KDM2B: variants seen among roughly 807,000 people sequenced by gnomAD.
The protein encoded by KDM2B is lysine demethylase 2B.
A neutral mutation model predicts 150.0 loss-of-function variants in KDM2B; 26 were observed. That is an observed-to-expected ratio of 0.17 (90% confidence interval 0.13 to 0.24). The LOEUF is 0.24. KDM2B is among the 10% of genes least tolerant of loss of function. The probability of loss-of-function intolerance (pLI) is 1.00; values close to 1 mark genes in which losing one functional copy is unlikely to be tolerated. For missense variants in KDM2B, 1,265 were observed against 1,816.9 expected (o/e 0.70, Z 5.52); for synonymous variants, 734 against 729.5 (o/e 1.01, Z -0.10).
chr12:121,511,626 G>C (rs1555304057), intron 10 of KDM2B, among the ~76,000 whole-genome samples: 1 of 152,164 alleles, frequency 6.6e-6, no homozygotes, highest in African/African-American at 2.4e-5. Context: ...CCCGGCCCCG[G>C]GTTTCTTTTT....
intron 13 of KDM2B, among the ~76,000 whole-genome samples, chr12:121,445,714 T>TA (rs1211996368): frequency 6.6e-6 from 1 of 152,152 alleles, no homozygotes; most frequent in African/African-American, 2.4e-5. Flanking sequence ...CAGAGCATGT[T>TA]AGAGACAGAG....
intron 4 of KDM2B, among the ~76,000 whole-genome samples, chr12:121,567,482 G>A (rs1890790710): frequency 6.6e-6 from 1 of 152,150 alleles, no homozygotes; most frequent in Admixed American, 6.5e-5. Flanking sequence ...GGCGAGGCGG[G>A]AGGATCACTT....
chr12:121,442,274 G>A lies in KDM2B; in HGVS notation c.3167C>T (p.Pro1056Leu), dbSNP rs1475204093. The A allele has an allele frequency of 2.5e-6, 4 of 1,612,574 alleles. No individual in the cohort carries two copies. In the African/African-American group the frequency reaches 4.0e-5, roughly 16 times the overall value. The change falls in exon 19 of 23, where the codon CCC becomes CTC. Residue 1056 changes from proline to leucine, a missense_variant. Physicochemically the swap from Pro to Leu is moderately conservative, Grantham distance 98. Transcript: ENST00000377071. The surrounding 1 kb of genome is among the most constrained non-coding windows in gnomAD (Gnocchi z 7.7). ...GACGTGGGCTGCCCCATCGTCCAGG[G>A]GTAGCGAGTCAGGCGGGGGGCTGAT... ...PPISPPPDSL[P>L]LDDGAAHVMH... is the part of the protein sequence containing the mutation.
intron 4 of KDM2B, among the ~76,000 whole-genome samples, chr12:121,556,852 TA>T (rs782133921): frequency 0.021 from 2,827 of 132,836 alleles, 57 homozygotes; most frequent in African/African-American, 0.061. Context: ...ACTCTGTCCT[TA>T]AAAAAAAAAA....
chr12:121,438,584 C>G (rs1427099212), intron 22 of KDM2B, among the ~76,000 whole-genome samples: 3 of 152,144 alleles, frequency 2.0e-5, no homozygotes, highest in Non-Finnish European at 2.9e-5. Flanking sequence ...TTCTTTGCGT[C>G]CACGAGGTGG....
In KDM2B at chr12:121,440,981, G is replaced by A. The variant is rs781971952; in HGVS notation, c.3449-4C>T. The A allele has an allele frequency of 6.2e-7, 1 of 1,613,486 alleles. No homozygotes were observed. The highest frequency in any genetic ancestry group is 1.7e-5 in the Admixed American group (1 of 59,976). ...GACAGCACCAAGTCCCGGAGCCCTG[G>A]GGGGACATAGAAAAGGGTGAAGGTC... is the stretch of plus-strand genomic sequence containing the variant. On this transcript the variant is annotated splice_region_variant and splice_polypyrimidine_tract_variant and intron_variant, in intron 20 of 22. Coordinates refer to ENST00000377071, the MANE Select transcript of KDM2B (RefSeq NM_032590.5).
chr12:121,434,915 C>A (rs1417526960), intron 22 of KDM2B, among the ~76,000 whole-genome samples: 2 of 152,066 alleles, frequency 1.3e-5, no homozygotes, highest in Admixed American at 1.3e-4. Context: ...TGACATTGCA[C>A]CACTGCACTC....
intron 8 of KDM2B, among the ~76,000 whole-genome samples, chr12:121,525,556 A>G (rs1335292613): frequency 6.6e-6 from 1 of 152,122 alleles, no homozygotes; most frequent in South Asian, 2.1e-4. Context: ...ACGCCAGTAC[A>G]TTCCATGTGA....
At chr12:121,528,980 A>G (rs1887399512) in intron 8 of KDM2B, among the ~76,000 whole-genome samples, 1 of 152,186 alleles carries the variant, frequency 6.6e-6, no homozygotes, top group African/African-American at 2.4e-5. Flanking sequence ...TCCTCTCTGA[A>G]TCATTCTATG....
Position 121,510,032 on chromosome 12 carries a change from C to T in KDM2B, c.1182G>A (p.Pro394=), listed in dbSNP as rs782456721. 11 of 1,548,408 alleles carry T rather than the reference C, an allele frequency of 7.1e-6. No homozygotes were observed. The highest frequency in any genetic ancestry group is 1.7e-4 in the Middle Eastern group (1 of 5,722). ...AGAAGCCGTCTATGCTGGGCTTCCT[C>T]GGGGCATCTGTGGGGGCAGGGTCAC... ...YQRESMLIDA[P]RKPSIDGFSS... Residue 394 remains proline (P), a synonymous_variant, in exon 11 of 23, where the codon CCG becomes CCA. Transcript: ENST00000377071.
At chr12:121,439,380 C>CTT (rs530764831) in intron 22 of KDM2B, among the ~76,000 whole-genome samples, 8 of 129,570 alleles carry the variant, frequency 6.2e-5, no homozygotes, top group Admixed American at 1.6e-4. Context: ...CCAATGGTAA[C>CTT]TTTTTTTTTT....
intron 10 of KDM2B, among the ~76,000 whole-genome samples, chr12:121,510,645 T>C (rs1593997976): frequency 6.6e-6 from 1 of 151,880 alleles, no homozygotes; most frequent in Non-Finnish European, 1.5e-5. Flanking sequence ...ATACACAAAT[T>C]AGCTGGGTGT....
At chr12:121,420,404 C>T in the KDM2B span, 1 of 1,553,012 alleles carries the variant, frequency 6.4e-7, no homozygotes, top group Admixed American at 2.0e-5. Context: ...GCCCTGTGGA[C>T]ATTCGCTAGA....
intron 1 of KDM2B, chr12:121,579,967 T>TAAAA: frequency 8.3e-7 from 1 of 1,200,070 alleles, no homozygotes; most frequent in Non-Finnish European, 1.1e-6. Context: ...AAAAGATCTA[T>TAAAA]CATATGCCAG....
chr12:121,530,209 CAG>C (rs1887544153), intron 8 of KDM2B, among the ~76,000 whole-genome samples: 1 of 115,428 alleles, frequency 8.7e-6, no homozygotes, highest in Admixed American at 1.2e-4. Flanking sequence ...GCCTGGGCAA[CAG>C]AGCAAGACTC....
At chr12:121,522,070 C>G (rs1285969741) in intron 8 of KDM2B, among the ~76,000 whole-genome samples, 1 of 151,750 alleles carries the variant, frequency 6.6e-6, no homozygotes, top group East Asian at 1.9e-4. Context: ...GATCACACCC[C>G]TGCACTCCAG....
chr12:121,557,388 C>T (rs1375742520), intron 4 of KDM2B, among the ~76,000 whole-genome samples: 1 of 151,984 alleles, frequency 6.6e-6, no homozygotes, highest in Non-Finnish European at 1.5e-5. Context: ...CAGGCGCCTA[C>T]CACCACTTCC....
intron 4 of KDM2B, among the ~76,000 whole-genome samples, chr12:121,560,275 G>A (rs1291983962): frequency 1.3e-5 from 2 of 152,152 alleles, no homozygotes; most frequent in Admixed American, 6.6e-5. Context: ...AAAGCACTGG[G>A]ATGACAGGCA....
At chr12:121,423,479 G>A in the KDM2B span, 1 of 1,613,970 alleles carries the variant, frequency 6.2e-7, no homozygotes, top group East Asian at 2.2e-5. The surrounding 1 kb of genome is among the most constrained non-coding windows in gnomAD (Gnocchi z 4.3). Context: ...CTGGAGTGTG[G>A]GCACATGGTT....
Sources: allele counts gnomAD v4.1 joint callset (sites outside exome capture counted in the v4.1 genomes callset), GRCh38; gene constraint gnomAD v4.1.1; non-coding constraint Gnocchi (gnomAD v3.1); transcripts MANE v1.5; gene names NCBI Gene and HGNC (gene_info 2026-07-23, HGNC 2026-07-21).